CCDC138: variants seen among roughly 807,000 people sequenced by gnomAD.
The protein encoded by CCDC138 is coiled-coil domain-containing protein 138.
In CCDC138, 66 loss-of-function variants were observed where a neutral mutation model predicts 82.3. The observed-to-expected ratio is 0.80, with a 90% confidence interval of 0.66 to 0.98. The LOEUF (loss-of-function observed/expected upper bound fraction) is 0.98. Ranked by LOEUF, CCDC138 falls within the 50% of genes least tolerant of loss-of-function variation. The probability of loss-of-function intolerance (pLI) is 0.00; values close to 1 mark genes in which losing one functional copy is unlikely to be tolerated. For missense variants in CCDC138, 816 were observed against 758.9 expected (o/e 1.08, Z -0.88); for synonymous variants, 297 against 265.4 (o/e 1.12, Z -1.16).
At chr2:108,881,657 G>A (rs1696294002) in intron 1 of CCDC138, among the ~76,000 whole-genome samples, 1 of 152,124 alleles carries the variant, frequency 6.6e-6, no homozygotes, top group Non-Finnish European at 1.5e-5. Flanking sequence ...ACACTTAGAG[G>A]GCATTTTAAG....
intron 13 of CCDC138, among the ~76,000 whole-genome samples, chr2:108,860,434 A>G (rs984199710): frequency 6.6e-6 from 1 of 151,836 alleles, no homozygotes; most frequent in African/African-American, 2.4e-5. Flanking sequence ...AACCCTTTCA[A>G]CTTTTCCCCA....
chr2:108,817,228 A>C (rs1684943883), intron 10 of CCDC138, among the ~76,000 whole-genome samples: 1 of 152,198 alleles, frequency 6.6e-6, no homozygotes, highest in African/African-American at 2.4e-5. Context: ...TCAGAGACTC[A>C]ACCCCCTCTT....
chr2:108,794,083 A>T (rs1192551481), intron 4 of CCDC138, among the ~76,000 whole-genome samples: 1 of 152,194 alleles, frequency 6.6e-6, no homozygotes, highest in African/African-American at 2.4e-5. Context: ...AATTATGTTA[A>T]TATAATTACA....
intron 12 of CCDC138, among the ~76,000 whole-genome samples, chr2:108,855,272 C>T (rs971728041): frequency 2.0e-5 from 3 of 152,056 alleles, no homozygotes; most frequent in African/African-American, 7.2e-5. Context: ...TCCTCAAGGA[C>T]AATTTTTTAA....
chr2:108,790,913 A>G (rs826551), intron 3 of CCDC138, among the ~76,000 whole-genome samples: 55,619 of 151,520 alleles, frequency 0.37, 13,718 homozygotes, highest in African/African-American at 0.71. Flanking sequence ...CACTACTCCC[A>G]GCTAATTTAT....
intron 10 of CCDC138, among the ~76,000 whole-genome samples, chr2:108,833,774 C>T (rs1688101331): frequency 1.4e-5 from 2 of 139,320 alleles, no homozygotes; most frequent in East Asian, 4.2e-4. Context: ...GTCGCCCAGG[C>T]TGGAGTGCAG....
At position 108,876,495 on chromosome 2, in the gene CCDC138, G is replaced by A. The variant is rs1376625700; in HGVS notation, c.*242G>A. 7 of 281,926 alleles carry A rather than the reference G, an allele frequency of 2.5e-5. No homozygotes were observed. The highest frequency in any genetic ancestry group is 3.9e-5 in the Non-Finnish European group (6 of 154,232). The allele number at this position is 281,926 out of a possible 1,614,324, so 17.5% of individuals were successfully genotyped here. ...CGTTTCTAGAATGTATGACACTGAA[G>A]TGACTTTTTGTAAAAATATATTAGG... On this transcript the variant is annotated 3_prime_UTR_variant, in exon 15 of 15. Transcript: ENST00000295124.
At chr2:108,832,884 C>A (rs376666093) in intron 10 of CCDC138, among the ~76,000 whole-genome samples, 20 of 152,186 alleles carry the variant, frequency 1.3e-4, no homozygotes, top group African/African-American at 4.8e-4. Context: ...ACCTGCTGTT[C>A]TAGAACTATA....
At chr2:108,834,459 C>T (rs1040666801) in intron 10 of CCDC138, among the ~76,000 whole-genome samples, 12 of 152,030 alleles carry the variant, frequency 7.9e-5, no homozygotes, top group Admixed American at 5.2e-4. Flanking sequence ...AGGTGATCCA[C>T]ACGCCTTGGC....
chr2:108,809,796 TTTTG>T (rs70956279), intron 7 of CCDC138, among the ~76,000 whole-genome samples: 104,151 of 150,704 alleles, frequency 0.69, 37,156 homozygotes, highest in East Asian at 0.89. Context: ...CATTTCCAAT[TTTTG>T]TTTGTTTGTT....
chr2:108,787,030 C>G, intron 1 of CCDC138, 115 bp downstream of exon 1: 1 of 567,916 alleles, frequency 1.8e-6, no homozygotes, highest in Non-Finnish European at 2.7e-6. Flanking sequence ...GGCCCCGGCA[C>G]TCCCGCCGTG....
chr2:108,848,451 A>G (rs1690867178), intron 12 of CCDC138, among the ~76,000 whole-genome samples: 1 of 152,216 alleles, frequency 6.6e-6, no homozygotes. Flanking sequence ...AACAGGGCAT[A>G]AGAATATGGA....
At chr2:108,875,967 T>G in intron 14 of CCDC138, 121 bp from the exon 15 acceptor site, 2 of 600,496 alleles carry the variant, frequency 3.3e-6, no homozygotes. Context: ...GCCTATTTTC[T>G]CCACTGTTTT....
In CCDC138 at chr2:108,816,087, T is replaced by G. The variant is rs1334848795; in HGVS notation, c.1188T>G (p.Ile396Met). The change falls in exon 10 of 15, where the codon ATT becomes ATG. Residue 396 changes from isoleucine to methionine, a missense_variant. Transcript: ENST00000295124. ...QLKFASQRND[I>M]QEKCVKLLPL... ...AATTTGCTTCCCAGAGAAATGATAT[T>G]CAGGAGAAGTGTGTAAAGGTTTGTT... 6.2e-7 allele frequency: 1 copy of G among 1,610,092 alleles called. No homozygotes were observed. The highest frequency in any genetic ancestry group is 1.3e-5 in the African/African-American group (1 of 74,714).
intron 11 of CCDC138, among the ~76,000 whole-genome samples, chr2:108,841,934 TA>T (rs1399179916): frequency 1.4e-4 from 21 of 152,212 alleles, no homozygotes; most frequent in Admixed American, 1.2e-3. Flanking sequence ...TTCTTCTTGG[TA>T]TTACATTTGT....
chr2:108,841,647 T>A (rs913125047), intron 11 of CCDC138, among the ~76,000 whole-genome samples: 7 of 152,186 alleles, frequency 4.6e-5, no homozygotes, highest in African/African-American at 1.4e-4. Flanking sequence ...TGAGTTTTTT[T>A]AATTAAATAG....
chr2:108,794,406 T>C lies in CCDC138; in HGVS notation c.395-134T>C. 3 of 811,810 alleles carry C rather than the reference T, an allele frequency of 3.7e-6. No individual in the cohort carries two copies. In the South Asian group the frequency reaches 7.8e-5, roughly 21 times the overall value. 50.3% of individuals were successfully genotyped at this position (811,810 alleles called of 1,614,324 possible). Reference sequence around the variant, plus strand: ...TTACCACTTTACCATATTTGCTATATTTTTCTTTGTCTCTCTTGAAACTTT... The same window carrying C: ...TTACCACTTTACCATATTTGCTATACTTTTCTTTGTCTCTCTTGAAACTTT... On this transcript the variant is annotated intron_variant, in intron 4 of 14. Transcript: ENST00000295124.
chr2:108,818,685 T>C (rs1685170634), intron 10 of CCDC138, among the ~76,000 whole-genome samples: 2 of 152,192 alleles, frequency 1.3e-5, no homozygotes, highest in Non-Finnish European at 2.9e-5. Flanking sequence ...TGTAACCTTA[T>C]CTTAAAATCT....
intron 5 of CCDC138, among the ~76,000 whole-genome samples, chr2:108,797,438 A>G (rs560740491): frequency 3.9e-4 from 60 of 152,344 alleles, no homozygotes; most frequent in African/African-American, 1.4e-3. Flanking sequence ...AGTCATTTCA[A>G]TAGAGGAATA....
Sources: gnomAD v4.1 joint callset for allele counts (sites outside exome capture counted in the v4.1 genomes callset) on GRCh38, gnomAD v4.1.1 for gene constraint, MANE v1.5 for transcripts, NCBI Gene and HGNC (gene_info 2026-07-23, HGNC 2026-07-21) for gene names.